The following HAPLN3 variants were observed in gnomAD, a reference collection of about 807,000 sequenced individuals.
The protein encoded by HAPLN3 is extracellular link domain containing, 1.
Under a neutral mutation model 28.1 loss-of-function variants are expected in HAPLN3, and 28 were observed. That is an observed-to-expected ratio of 1.00 (90% CI 0.74 to 1.37). The LOEUF (loss-of-function observed/expected upper bound fraction) is 1.37. Ranked by LOEUF, HAPLN3 falls within the 40% of genes most tolerant of loss-of-function variation. The pLI is 0.00. For synonymous variants in HAPLN3, 211 were observed against 213.1 expected (o/e 0.99, Z 0.09); for missense variants, 513 against 504.6 (o/e 1.02, Z -0.16).
In HAPLN3 at chr15:88,879,072, G is replaced by A. The variant is rs1373189360; in HGVS notation, c.691C>T (p.Gln231Ter). ...TVQYPIMLPR[Q>*]PCGGPGLAPG... ...GCCAGGCCCGGGCCACCGCAGGGCT[G>A]CCGGGGCAACATGATGGGGTACTGC... The change falls in exon 4 of 5, where the codon CAG becomes TAG. Residue 231 changes from glutamine (Q) to a stop codon, truncating the protein, a stop_gained. Coordinates refer to ENST00000359595, the MANE Select transcript of HAPLN3 (RefSeq NM_178232.4). LOFTEE classifies it high-confidence loss of function. This position sits in a 1 kb window ranked among gnomAD's most constrained non-coding sequence, Gnocchi z 5.0. 6.2e-7 allele frequency: 1 copy of A among 1,608,176 alleles called. No individual in the cohort carries two copies. Among genetic ancestry groups the A allele is most frequent in the Non-Finnish European group, 8.5e-7 (1 of 1,177,430 alleles).
chr15:88,877,408 G>C lies in HAPLN3; in HGVS notation c.*562C>G, dbSNP rs535106828. On this transcript the variant is annotated 3_prime_UTR_variant, in exon 5 of 5. Transcript: ENST00000359595. This position sits in a 1 kb window ranked among gnomAD's most constrained non-coding sequence, Gnocchi z 5.1. ...ACAACAAAACAGATTCTTTGGAACC[G>C]AGAGGGGAAGGGGAACGGGGAGGGG... is the stretch of plus-strand genomic sequence containing the variant. 2 of 153,294 alleles carry C rather than the reference G, an allele frequency of 1.3e-5. No individual in the cohort carries two copies. The highest frequency in any genetic ancestry group is 1.9e-4 in the East Asian group (1 of 5,186). 9.5% of individuals were successfully genotyped at this position (153,294 alleles called of 1,614,324 possible).
chr15:88,895,177 G>A lies in HAPLN3; in HGVS notation c.-48+282C>T, dbSNP rs114434929. On this transcript the variant is annotated intron_variant, in intron 1 of 4. Coordinates refer to ENST00000359595, the MANE Select transcript of HAPLN3 (RefSeq NM_178232.4). This position sits in a 1 kb window ranked among gnomAD's most constrained non-coding sequence, Gnocchi z 5.5. ...GGGGCTGGAGGCGGACGGTGGTCTC[G>A]GAGGCCACGGGGTCCGCTCGGGCTC... Among the ~76,000 whole-genome samples, 3,799 of 152,258 alleles carry A rather than the reference G, an allele frequency of 0.025. 152 individuals are homozygous for A. The highest frequency in any genetic ancestry group is 0.084 in the African/African-American group (3,471 of 41,556).
At chr15:88,891,876 C>A (rs1394451536) in intron 1 of HAPLN3, among the ~76,000 whole-genome samples, 3 of 152,128 alleles carry the variant, frequency 2.0e-5, no homozygotes, top group Admixed American at 6.5e-5. Flanking sequence ...CACCTGGAAC[C>A]AGGAGGGAAG....
intron 4 of HAPLN3, among the ~76,000 whole-genome samples, chr15:88,878,518 T>C (rs971547228): frequency 1.3e-5 from 2 of 152,240 alleles, no homozygotes; most frequent in Non-Finnish European, 2.9e-5. Flanking sequence ...CCACCTAGGC[T>C]GGACCAGTCA....
At chr15:88,887,402 C>A (rs1380081146) in intron 1 of HAPLN3, 57 bp from the exon 2 acceptor site, 2 of 1,458,700 alleles carry the variant, frequency 1.4e-6, no homozygotes, top group Non-Finnish European at 1.9e-6. Context: ...GGGCCCACAT[C>A]CCCTCTGCTC....
intron 4 of HAPLN3, 54 bp downstream of exon 4, chr15:88,878,913 C>T: frequency 6.6e-7 from 1 of 1,512,334 alleles, no homozygotes; most frequent in Non-Finnish European, 8.9e-7. Context: ...TGCCCTCTCA[C>T]AGGTCCCAGG....
chr15:88,879,278 G>T lies in HAPLN3; in HGVS notation c.494-9C>A, dbSNP rs1268691140. The T allele has an allele frequency of 6.2e-7, 1 of 1,605,274 alleles. No homozygotes were observed. The stretch of plus-strand genomic sequence containing the variant: ...GTAAGGAAAGACCACACCTGCAGGG[G>T]AAGGAAAGAGGAGCTTAGGGGGTGG... On this transcript the variant is annotated splice_polypyrimidine_tract_variant and intron_variant, in intron 3 of 4. Coordinates refer to ENST00000359595, the MANE Select transcript of HAPLN3 (RefSeq NM_178232.4). The surrounding 1 kb of genome is among the most constrained non-coding windows in gnomAD (Gnocchi z 5.0).
chr15:88,888,049 A>G lies in HAPLN3; in HGVS notation c.-47-704T>C, dbSNP rs746904191. On this transcript the variant is annotated intron_variant, in intron 1 of 4. Coordinates refer to ENST00000359595, the MANE Select transcript of HAPLN3 (RefSeq NM_178232.4). The surrounding 1 kb of genome is among the most constrained non-coding windows in gnomAD (Gnocchi z 4.1). The stretch of plus-strand genomic sequence containing the variant: ...CAAATAAACTAGACTAGAATAGAAA[A>G]TATCAGGGTGAATAGAGGGTATGTT... Among the ~76,000 whole-genome samples the G allele has an allele frequency of 2.0e-5, 3 of 152,106 alleles. No homozygotes were observed. Among genetic ancestry groups the G allele is most frequent in the Non-Finnish European group, 4.4e-5 (3 of 68,016 alleles).
chr15:88,892,882 C>A, intron 1 of HAPLN3: 1 of 1,356,124 alleles, frequency 7.4e-7, no homozygotes, highest in Non-Finnish European at 1.0e-6. Flanking sequence ...AGCCTCTGCT[C>A]CCCTACCATG....
At chr15:88,887,065 G>T in intron 2 of HAPLN3, 110 bp downstream of exon 2, 1 of 1,232,868 alleles carries the variant, frequency 8.1e-7, no homozygotes, top group Non-Finnish European at 1.2e-6. Flanking sequence ...GGCCCTGCTG[G>T]AACAGGGCTG....
chr15:88,885,328 T>A (rs1897820407), intron 2 of HAPLN3, among the ~76,000 whole-genome samples: 1 of 152,222 alleles, frequency 6.6e-6, no homozygotes, highest in African/African-American at 2.4e-5. Context: ...CAGGCTGGAG[T>A]GCAGTGGTGT....
chr15:88,893,233 A>G, intron 1 of HAPLN3: 1 of 622,454 alleles, frequency 1.6e-6, no homozygotes, highest in East Asian at 2.8e-5. Context: ...CCTGGCCAAC[A>G]CAGTGAAACC....
At position 88,881,749 on chromosome 15, in the gene HAPLN3, A is replaced by T; in HGVS notation, c.125-24T>A. 6.3e-7 allele frequency: 1 copy of T among 1,589,138 alleles called. No homozygotes were observed. The highest frequency in any genetic ancestry group is 8.6e-7 in the Non-Finnish European group (1 of 1,165,396). On this transcript the variant is annotated intron_variant, in intron 2 of 4. Coordinates refer to ENST00000359595, the MANE Select transcript of HAPLN3 (RefSeq NM_178232.4). This position sits in a 1 kb window ranked among gnomAD's most constrained non-coding sequence, Gnocchi z 6.0. ...GTCTTGGGGGAGAGACAGGGTGCAG[A>T]TGAGACCTGCTGAAGCACATCTGTA...
intron 1 of HAPLN3, among the ~76,000 whole-genome samples, chr15:88,893,952 G>A (rs865997800): frequency 1.3e-4 from 5 of 38,812 alleles, no homozygotes; most frequent in African/African-American, 8.8e-4. Flanking sequence ...AAGTTGGGGT[G>A]GGGGGGGCGG....
chr15:88,892,965 C>A (rs1898050766), intron 1 of HAPLN3: 2 of 1,535,630 alleles, frequency 1.3e-6, no homozygotes, highest in Non-Finnish European at 1.7e-6. Flanking sequence ...CCAAGTCCAG[C>A]CCAGTCACCT....
chr15:88,884,433 G>A (rs972823519), intron 2 of HAPLN3, among the ~76,000 whole-genome samples: 5 of 151,992 alleles, frequency 3.3e-5, no homozygotes, highest in African/African-American at 9.7e-5. Flanking sequence ...GCATGGTGTC[G>A]GATGCCTGTA....
At position 88,889,002 on chromosome 15, in the gene HAPLN3, T is replaced by C. The variant is rs553752287; in HGVS notation, c.-47-1657A>G. On this transcript the variant is annotated intron_variant, in intron 1 of 4. Coordinates refer to ENST00000359595, the MANE Select transcript of HAPLN3 (RefSeq NM_178232.4). ...GTCCCAGTTCCCCAGGCCTTCTGGCTTCCAGTGGGATTGAGCCAATGGGAG... is the reference window on the plus strand; with the variant it reads ...GTCCCAGTTCCCCAGGCCTTCTGGCCTCCAGTGGGATTGAGCCAATGGGAG... 4.7e-4 allele frequency among the ~76,000 whole-genome samples: 72 copies of C among 152,326 alleles called. No individual in the cohort carries two copies. The South Asian group carries it at 7.9e-3, about 17-fold the overall frequency.
chr15:88,886,059 T>C (rs1435997849), intron 2 of HAPLN3, among the ~76,000 whole-genome samples: 1 of 152,178 alleles, frequency 6.6e-6, no homozygotes, highest in Non-Finnish European at 1.5e-5. Context: ...GTTAAAAATG[T>C]GTATTTTCGG....
chr15:88,884,538 C>T (rs1447304532), intron 2 of HAPLN3, among the ~76,000 whole-genome samples: 2 of 151,948 alleles, frequency 1.3e-5, no homozygotes, highest in South Asian at 2.1e-4. Flanking sequence ...CACTCCAGCC[C>T]AGGTGACAGA....
Sources: gnomAD v4.1 joint callset for allele counts (sites outside exome capture counted in the v4.1 genomes callset) on GRCh38, gnomAD v4.1.1 for gene constraint, Gnocchi (gnomAD v3.1) non-coding constraint, MANE v1.5 for transcripts, NCBI Gene and HGNC (gene_info 2026-07-23, HGNC 2026-07-21) for gene names.